The following SETBP1 variants were observed in gnomAD, a reference collection of about 807,000 sequenced individuals.
The protein encoded by SETBP1 is SET-binding protein.
In SETBP1, 9 loss-of-function variants were observed where a neutral mutation model predicts 101.0. That is an observed-to-expected ratio of 0.09 (90% CI 0.05 to 0.16). The LOEUF is 0.16. Among genes scored for constraint, SETBP1 ranks in the 10% least tolerant of loss-of-function variants. The probability of loss-of-function intolerance (pLI) is 1.00; values close to 1 mark genes in which losing one functional copy is unlikely to be tolerated. For synonymous variants in SETBP1, 818 were observed against 788.5 expected, an observed-to-expected ratio of 1.04 and a Z score of -0.63; for missense variants, 1,858 against 2,033.8, an observed-to-expected ratio of 0.91 and a Z score of 1.66.
chr18:44,871,534 TG>T (rs2069274617), intron 3 of SETBP1: 1 of 152,238 alleles, frequency 6.6e-6, no homozygotes, highest in Non-Finnish European at 1.5e-5. Flanking sequence ...AGAGGTTTTC[TG>T]TTTGTTTTTC....
At chr18:44,971,121 C>T (rs1026371800) in intron 4 of SETBP1, among the ~76,000 whole-genome samples, 20 of 151,368 alleles carry the variant, frequency 1.3e-4, no homozygotes, top group Admixed American at 1.1e-3. Context: ...TGAGAACATG[C>T]GGTGTTTGGT....
intron 2 of SETBP1, among the ~76,000 whole-genome samples, chr18:44,763,232 T>TG (rs1328974512): frequency 6.6e-6 from 1 of 152,168 alleles, no homozygotes; most frequent in East Asian, 1.9e-4. Flanking sequence ...AGTAAATAGT[T>TG]GAAGTTATGA....
chr18:44,785,961 C>T (rs531676905), intron 2 of SETBP1, among the ~76,000 whole-genome samples: 3 of 152,304 alleles, frequency 2.0e-5, no homozygotes, highest in Admixed American at 6.5e-5. Context: ...ATTTTTCTCA[C>T]TCCATCACCC....
At chr18:44,984,307 C>A (rs776323576) in intron 4 of SETBP1, among the ~76,000 whole-genome samples, 7 of 152,026 alleles carry the variant, frequency 4.6e-5, no homozygotes, top group African/African-American at 7.3e-5. Flanking sequence ...GAGTGGGGTG[C>A]GGAGAAGGGA....
chr18:44,862,193 G>T (rs543310461), intron 2 of SETBP1, among the ~76,000 whole-genome samples: 1 of 152,276 alleles, frequency 6.6e-6, no homozygotes, highest in African/African-American at 2.4e-5. Flanking sequence ...ATATCTGGGG[G>T]ATTTTGTTAA....
At position 45,002,960 on chromosome 18, in the gene SETBP1, A is replaced by G. The variant is rs150942561; in HGVS notation, c.4001-35525A>G. On this transcript the variant is annotated intron_variant, in intron 4 of 5. Transcript: ENST00000649279. ...GTTGTTGGGGTGGAGGTGGGAGCTG[A>G]GCACCTTGGTATATGTGAGAAACTA... Among the ~76,000 whole-genome samples the G allele has an allele frequency of 4.2e-3, 641 of 152,292 alleles. 7 individuals carry two copies. Among genetic ancestry groups the G allele is most frequent in the African/African-American group, 0.015 (618 of 41,568 alleles).
At chr18:44,740,325 T>C (rs1223851509) in intron 2 of SETBP1, among the ~76,000 whole-genome samples, 3 of 152,300 alleles carry the variant, frequency 2.0e-5, no homozygotes, top group Non-Finnish European at 2.9e-5. Context: ...CATTACAGTG[T>C]GCACACCAGG....
At chr18:44,843,412 C>T (rs1044235653) in intron 2 of SETBP1, among the ~76,000 whole-genome samples, 4 of 152,200 alleles carry the variant, frequency 2.6e-5, no homozygotes, top group South Asian at 4.1e-4. Flanking sequence ...GAGTTCCTGC[C>T]GCTCCCCAGA....
intron 2 of SETBP1, among the ~76,000 whole-genome samples, chr18:44,868,745 A>T (rs12455887): frequency 8.2e-5 from 5 of 60,894 alleles, no homozygotes; most frequent in Non-Finnish European, 1.8e-4. Context: ...GAAGGAAGGA[A>T]GGAAGGAAGG....
At position 44,991,200 on chromosome 18, in the gene SETBP1, G is replaced by A. The variant is rs113794151; in HGVS notation, c.4000+37860G>A. On this transcript the variant is annotated intron_variant, in intron 4 of 5. Coordinates refer to ENST00000649279, the MANE Select transcript of SETBP1 (RefSeq NM_015559.3). ...GGAAGTTGCAGTAAACCAAGGTTGCGCCACTGCACTCCAGCCTGAGTGACA... is the reference window on the plus strand; with the variant it reads ...GGAAGTTGCAGTAAACCAAGGTTGCACCACTGCACTCCAGCCTGAGTGACA... Among the ~76,000 whole-genome samples the A allele has an allele frequency of 2.2e-3, 297 of 134,648 alleles. 1 individual carries two copies. Among genetic ancestry groups the A allele is most frequent in the African/African-American group, 4.3e-3 (153 of 35,300 alleles). 88.3% of individuals were successfully genotyped at this position (134,648 alleles called of 152,430 possible).
chr18:44,753,882 A>G (rs972881323), intron 2 of SETBP1, among the ~76,000 whole-genome samples: 1 of 152,240 alleles, frequency 6.6e-6, no homozygotes, highest in Non-Finnish European at 1.5e-5. Flanking sequence ...CTCTTGGGGC[A>G]TAGTTGAAGC....
At chr18:44,837,795 C>A (rs1270822285) in intron 2 of SETBP1, among the ~76,000 whole-genome samples, 1 of 152,234 alleles carries the variant, frequency 6.6e-6, no homozygotes, top group Non-Finnish European at 1.5e-5. Context: ...TCTGACCTAT[C>A]CATATCAATT....
chr18:44,957,400 A>T (rs974212888), intron 4 of SETBP1, among the ~76,000 whole-genome samples: 2 of 152,104 alleles, frequency 1.3e-5, no homozygotes, highest in Admixed American at 1.3e-4. Context: ...AAAAATGAGA[A>T]GAGTGAATCT....
chr18:45,063,418 C>T lies in SETBP1; in HGVS notation c.4511C>T (p.Thr1504Ile), dbSNP rs1417442388. 2.6e-6 allele frequency: 4 copies of T among 1,522,614 alleles called. No individual in the cohort carries two copies. Among genetic ancestry groups the T allele is most frequent in the South Asian group, 2.5e-5 (2 of 79,086 alleles). The allele number at this position is 1,522,614 out of a possible 1,614,324, so 94.3% of individuals were successfully genotyped here. The change falls in exon 6 of 6, where the codon ACC becomes ATC. Residue 1504 changes from threonine to isoleucine, a missense_variant. Physicochemically the swap from Thr to Ile is moderately conservative, Grantham distance 89. Coordinates refer to ENST00000649279, the MANE Select transcript of SETBP1 (RefSeq NM_015559.3). ...CTGGAGCCCGCCGCCAGCCAAGACA[C>T]CATCATGGCCACCATCGAGGCGGTC... is the stretch of plus-strand genomic sequence containing the variant. ...LVLEPAASQD[T>I]IMATIEAVIH...
chr18:45,044,355 T>C (rs2073567458), intron 5 of SETBP1, among the ~76,000 whole-genome samples: 1 of 152,196 alleles, frequency 6.6e-6, no homozygotes, highest in Non-Finnish European at 1.5e-5. Context: ...GGGCTCATGC[T>C]GAAGCCTCAC....
At chr18:45,028,569 C>T (rs977924052) in intron 4 of SETBP1, among the ~76,000 whole-genome samples, 26 of 152,122 alleles carry the variant, frequency 1.7e-4, no homozygotes, top group African/African-American at 6.0e-4. Context: ...AGTTCTAGAT[C>T]CCCGAGGAAT....
At chr18:44,988,363 T>C (rs575329142) in intron 4 of SETBP1, 1 of 152,358 alleles carries the variant, frequency 6.6e-6, no homozygotes, top group African/African-American at 2.4e-5. Flanking sequence ...CAGTGGGTCA[T>C]TGTGTATTGA....
At chr18:44,896,784 C>G (rs934609137) in intron 3 of SETBP1, among the ~76,000 whole-genome samples, 2 of 152,142 alleles carry the variant, frequency 1.3e-5, no homozygotes, top group Non-Finnish European at 2.9e-5. Context: ...ACTCTTCAGG[C>G]TAAATATCCT....
intron 3 of SETBP1, among the ~76,000 whole-genome samples, chr18:44,920,764 G>C (rs1028943390): frequency 6.6e-6 from 1 of 152,116 alleles, no homozygotes; most frequent in African/African-American, 2.4e-5. Flanking sequence ...GGGAGTCTAT[G>C]GAAAGCTCCT....
Sources: gnomAD v4.1 joint callset for allele counts (sites outside exome capture counted in the v4.1 genomes callset) on GRCh38, gnomAD v4.1.1 for gene constraint, MANE v1.5 for transcripts, NCBI Gene and HGNC (gene_info 2026-07-23, HGNC 2026-07-21) for gene names.